The following IGF1R variants were observed in gnomAD, a reference collection of about 807,000 sequenced individuals.
The protein encoded by IGF1R is insulin-like growth factor 1 receptor.
A neutral mutation model predicts 144.6 loss-of-function variants in IGF1R; 44 were observed. The ratio of observed to expected loss-of-function variants is 0.30; its 90% confidence interval spans 0.24 to 0.39. The LOEUF (loss-of-function observed/expected upper bound fraction) is 0.39, where lower values mean the gene tolerates loss of function less well. IGF1R is among the 10% of genes least tolerant of loss of function. The probability of loss-of-function intolerance (pLI) is 1.00; values close to 1 mark genes in which losing one functional copy is unlikely to be tolerated. For synonymous variants in IGF1R, 795 were observed against 722.8 expected (o/e 1.10, Z -1.60); for missense variants, 1,355 against 1,833.7 (o/e 0.74, Z 4.77).
rs1019831990 is a variant in IGF1R, at chr15:98,960,318, G to C, written c.*2876G>C. 1 of 233,038 alleles carries C rather than the reference G, an allele frequency of 4.3e-6. No individual in the cohort carries two copies. The highest frequency in any genetic ancestry group is 1.3e-3 in the Middle Eastern group (1 of 788). The allele number at this position is 233,038 out of a possible 1,614,324, so 14.4% of individuals were successfully genotyped here. On this transcript the variant is annotated 3_prime_UTR_variant, in exon 21 of 21. Transcript: ENST00000650285. ...TTTTTTTGTTTTGTTTTCTATCTTG[G>C]TTTCCACCAAGGTGTTAGATTTCTC...
At chr15:98,951,315 T>G (rs1410398596) in intron 20 of IGF1R, among the ~76,000 whole-genome samples, 2 of 152,232 alleles carry the variant, frequency 1.3e-5, no homozygotes, top group Non-Finnish European at 2.9e-5. Flanking sequence ...CTGGGTTTCC[T>G]GGAGCCCTCA....
chr15:98,922,743 C>A (rs979845257), intron 11 of IGF1R, among the ~76,000 whole-genome samples: 1 of 152,252 alleles, frequency 6.6e-6, no homozygotes, highest in Non-Finnish European at 1.5e-5. Context: ...CCTTTGCCCC[C>A]TCTTGCGCAC....
chr15:98,770,048 G>C (rs541016925), intron 2 of IGF1R, among the ~76,000 whole-genome samples: 1 of 152,246 alleles, frequency 6.6e-6, no homozygotes, highest in African/African-American at 2.4e-5. Context: ...TCAACAGTCA[G>C]CACTTGCTGC....
At chr15:98,782,449 AT>A (rs1335889197) in intron 2 of IGF1R, among the ~76,000 whole-genome samples, 114 of 152,244 alleles carry the variant, frequency 7.5e-4, no homozygotes, top group Middle Eastern at 3.4e-3. Flanking sequence ...ATACTCTCTC[AT>A]TTATTTATAT....
chr15:98,773,630 C>T (rs2055645392), intron 2 of IGF1R, among the ~76,000 whole-genome samples: 1 of 152,132 alleles, frequency 6.6e-6, no homozygotes, highest in African/African-American at 2.4e-5. Context: ...GTGAAATTAA[C>T]CCCAACTAGC....
At chr15:98,791,153 C>T (rs1189216504) in intron 2 of IGF1R, among the ~76,000 whole-genome samples, 1 of 152,184 alleles carries the variant, frequency 6.6e-6, no homozygotes, top group Non-Finnish European at 1.5e-5. Flanking sequence ...ACATTATTGA[C>T]TGATAAATGT....
intron 20 of IGF1R, among the ~76,000 whole-genome samples, chr15:98,951,128 A>G (rs917321753): frequency 1.3e-5 from 2 of 152,218 alleles, no homozygotes; most frequent in Non-Finnish European, 2.9e-5. Flanking sequence ...GTGGCGCAGG[A>G]AGGATACCAG....
intron 13 of IGF1R, among the ~76,000 whole-genome samples, chr15:98,929,245 C>T (rs2015846659): frequency 6.6e-6 from 1 of 152,068 alleles, no homozygotes; most frequent in Non-Finnish European, 1.5e-5. Context: ...TATGCATTTT[C>T]ACTAACAGTC....
chr15:98,673,375 C>A (rs528038386), intron 1 of IGF1R, among the ~76,000 whole-genome samples: 1 of 152,164 alleles, frequency 6.6e-6, no homozygotes, highest in Admixed American at 6.5e-5. Context: ...TGATCATTCT[C>A]GCTCTGTTTT....
intron 2 of IGF1R, among the ~76,000 whole-genome samples, chr15:98,809,933 A>T (rs1382189862): frequency 2.0e-5 from 3 of 152,182 alleles, no homozygotes; most frequent in African/African-American, 7.2e-5. Flanking sequence ...TGTATATGGG[A>T]TAGCCACGGG....
rs2052248033 is a variant in IGF1R at position 98,648,605 on chromosome 15, T to A, written c.-977T>A. 7.1e-6 allele frequency among the ~76,000 whole-genome samples: 1 copy of A among 140,462 alleles called. No homozygotes were observed. Among genetic ancestry groups the A allele is most frequent in the South Asian group, 2.2e-4 (1 of 4,560 alleles). 92.1% of individuals were successfully genotyped at this position (140,462 alleles called of 152,430 possible). ...TCTTGTTTACCAGCATTAACTCCGC[T>A]GAGCGGAAAAAAAAAGGGAAAAAAC... On this transcript the variant is annotated 5_prime_UTR_variant, in exon 1 of 21. Coordinates refer to ENST00000650285, the MANE Select transcript of IGF1R (RefSeq NM_000875.5).
Position 98,924,515 on chromosome 15 carries a change from A to G in IGF1R, c.2623-10A>G, listed in dbSNP as rs761642077. 2 of 1,613,886 alleles carry G rather than the reference A, an allele frequency of 1.2e-6. No homozygotes were observed. The highest frequency in any genetic ancestry group is 2.2e-5 in the East Asian group (1 of 44,890). ...CATGGGAAATTGACATGTATGTTTT[A>G]TTTCCCCAGGATCAGCGAGAATGTG... On this transcript the variant is annotated splice_polypyrimidine_tract_variant and intron_variant, in intron 12 of 20. Coordinates refer to ENST00000650285, the MANE Select transcript of IGF1R (RefSeq NM_000875.5).
At position 98,782,949 on chromosome 15, in the gene IGF1R, T is replaced by G. The variant is rs76930021; in HGVS notation, c.640+74842T>G. Among the ~76,000 whole-genome samples, 1,286 of 152,328 alleles carry G rather than the reference T, an allele frequency of 8.4e-3. 18 individuals carry two copies. The highest frequency in any genetic ancestry group is 0.03 in the African/African-American group (1,232 of 41,572). On this transcript the variant is annotated intron_variant, in intron 2 of 20. Transcript: ENST00000650285. ...AAATAGAGACTTAAAAATTAACCTTTTTGGAGCTGTGACTTCCTGATGAAG... is the reference window on the plus strand; with the variant it reads ...AAATAGAGACTTAAAAATTAACCTTGTTGGAGCTGTGACTTCCTGATGAAG...
chr15:98,768,359 A>G (rs1269901251), intron 2 of IGF1R, among the ~76,000 whole-genome samples: 1 of 152,016 alleles, frequency 6.6e-6, no homozygotes, highest in Non-Finnish European at 1.5e-5. Context: ...GCTTACGCCT[A>G]TAATCCCAGT....
intron 2 of IGF1R, among the ~76,000 whole-genome samples, chr15:98,875,233 C>G (rs1316374362): frequency 6.6e-6 from 1 of 151,620 alleles, no homozygotes; most frequent in Non-Finnish European, 1.5e-5. Context: ...AAAAATGAAA[C>G]ATTTTCAGAT....
Position 98,961,303 on chromosome 15 carries a change from G to T in IGF1R, c.*3861G>T, listed in dbSNP as rs1170640013. 3 of 233,490 alleles carry T rather than the reference G, an allele frequency of 1.3e-5. No homozygotes were observed. Among genetic ancestry groups the T allele is most frequent in the African/African-American group, 6.6e-5 (3 of 45,350 alleles). The allele number at this position is 233,490 out of a possible 1,614,324, so 14.5% of individuals were successfully genotyped here. On this transcript the variant is annotated 3_prime_UTR_variant, in exon 21 of 21. Transcript: ENST00000650285. Reference sequence around the variant, plus strand: ...TAAGGGTTTTGTTTAAACTGTCCGAGTTACTGATGTCATTTTGTTTTTGTT... The same window carrying T: ...TAAGGGTTTTGTTTAAACTGTCCGATTTACTGATGTCATTTTGTTTTTGTT...
intron 2 of IGF1R, among the ~76,000 whole-genome samples, chr15:98,797,624 A>G (rs775196009): frequency 2.6e-5 from 4 of 152,120 alleles, no homozygotes; most frequent in Admixed American, 6.5e-5. Context: ...CTGGGGTAAG[A>G]CAGAGCCCTC....
At chr15:98,864,740 T>A (rs2012336910) in intron 2 of IGF1R, among the ~76,000 whole-genome samples, 1 of 152,244 alleles carries the variant, frequency 6.6e-6, no homozygotes, top group South Asian at 2.1e-4. Context: ...GTTGTATTCT[T>A]TGATTTTACT....
At chr15:98,774,025 T>C (rs1353369714) in intron 2 of IGF1R, among the ~76,000 whole-genome samples, 1 of 152,238 alleles carries the variant, frequency 6.6e-6, no homozygotes, top group African/African-American at 2.4e-5. Flanking sequence ...GAATCAATTA[T>C]TTTTATCTCT....
Sources: allele counts gnomAD v4.1 joint callset (sites outside exome capture counted in the v4.1 genomes callset), GRCh38; gene constraint gnomAD v4.1.1; transcripts MANE v1.5; gene names NCBI Gene and HGNC (gene_info 2026-07-23, HGNC 2026-07-21).